RGMB: variants seen among roughly 807,000 people sequenced by gnomAD.
RGMB encodes repulsive guidance molecule BMP co-receptor b, also known as repulsive guidance molecule B.
A neutral mutation model predicts 26.9 loss-of-function variants in RGMB; 16 were observed. The ratio of observed to expected loss-of-function variants is 0.60; its 90% CI spans 0.40 to 0.90. The LOEUF (loss-of-function observed/expected upper bound fraction) is 0.90. Among genes scored for constraint, RGMB ranks in the 40% least tolerant of loss-of-function variants. The pLI, the probability that RGMB is intolerant of heterozygous loss-of-function variation, is 0.00. For missense variants in RGMB, 512 were observed against 573.3 expected, an observed-to-expected ratio of 0.89 and a Z score of 1.09; for synonymous variants, 225 against 229.3, an observed-to-expected ratio of 0.98 and a Z score of 0.17.
Position 98,793,663 on chromosome 5 carries a change from C to T in RGMB, c.1224C>T (p.Phe408=), listed in dbSNP as rs1196396759. The part of the protein sequence containing the change: ...LHPRKERWHI[F]PSSGNGTPRG... ...CAAGGAAGGAACGCTGGCACATTTT[C>T]CCCAGCAGTGGCAATGGGACTCCCC... The change falls in exon 3 of 3, where the codon TTC becomes TTT. Residue 408 remains phenylalanine (F), a synonymous_variant. Transcript: ENST00000513185. The T allele has an allele frequency of 1.9e-6, 3 of 1,613,744 alleles. No individual in the cohort carries two copies. Among genetic ancestry groups the T allele is most frequent in the African/African-American group, 1.3e-5 (1 of 74,940 alleles).
At chr5:98,774,996 C>T (rs1418192391) in intron 1 of RGMB, among the ~76,000 whole-genome samples, 1 of 152,090 alleles carries the variant, frequency 6.6e-6, no homozygotes, top group African/African-American at 2.4e-5. Context: ...AAATCCAGGA[C>T]GCTCTTCACA....
Position 98,794,829 on chromosome 5 carries a change from T to G in RGMB, c.*1076T>G, listed in dbSNP as rs747152145. 6.6e-6 allele frequency: 1 copy of G among 152,226 alleles called. No homozygotes were observed. Among genetic ancestry groups the G allele is most frequent in the Non-Finnish European group, 1.5e-5 (1 of 68,064 alleles). The allele number at this position is 152,226 out of a possible 1,614,324, so 9.4% of individuals were successfully genotyped here. Reference sequence around the variant, plus strand: ...CCATCACAAAGTTTTTCATTCTTCCTTGTCCACCATGATCTTCATCACAGT... The same window carrying G: ...CCATCACAAAGTTTTTCATTCTTCCGTGTCCACCATGATCTTCATCACAGT... On this transcript the variant is annotated 3_prime_UTR_variant, in exon 3 of 3. Coordinates refer to ENST00000513185, the MANE Select transcript of RGMB (RefSeq NM_001366508.1).
rs867415008 is a variant in RGMB at position 98,793,189 on chromosome 5, TG to T, written c.754del (p.Asp252ThrfsTer25). 6.2e-7 allele frequency: 1 copy of T among 1,613,832 alleles called. No homozygotes were observed. Among genetic ancestry groups the T allele is most frequent in the Non-Finnish European group, 8.5e-7 (1 of 1,179,866 alleles). On this transcript the variant is annotated frameshift_variant, in exon 3 of 3. Coordinates refer to ENST00000513185, the MANE Select transcript of RGMB (RefSeq NM_001366508.1). LOFTEE classifies it high-confidence loss of function. The part of the protein sequence containing the change: ...AAFVDGTTSG[G>X]DSDAKSLRIV... The stretch of plus-strand genomic sequence containing the variant: ...CCTTTGTGGATGGCACCACCAGTGG[TG>T]GGGACAGCGATGCCAAGAGCCTGCG...
At chr5:98,782,681 C>T (rs1746645954) in intron 2 of RGMB, among the ~76,000 whole-genome samples, 1 of 152,112 alleles carries the variant, frequency 6.6e-6, no homozygotes, top group Non-Finnish European at 1.5e-5. Context: ...CTGAAATTTT[C>T]GGAAACATCC....
At chr5:98,774,238 C>G in intron 1 of RGMB, 32 bp downstream of exon 1, 1 of 1,384,092 alleles carries the variant, frequency 7.2e-7, no homozygotes, top group South Asian at 1.6e-5. Context: ...GGAGCCAGCC[C>G]CGGGGCCTAG....
chr5:98,771,936 T>A (rs1470965977), upstream of RGMB, among the ~76,000 whole-genome samples: 1 of 99,658 alleles, frequency 1.0e-5, no homozygotes, highest in East Asian at 3.8e-4. Flanking sequence ...AATCTTGGGT[T>A]AAGAGAAAAA....
rs1214126810 is a variant in RGMB at position 98,783,040 on chromosome 5, T to TC, written c.645+2956dup. ...CATCTCCCCTGGTCTACTGTTTTCTTCCCCACCATGGCCCTCTCCTCCCCT... is the reference window on the plus strand; with the variant it reads ...CATCTCCCCTGGTCTACTGTTTTCTTCCCCCACCATGGCCCTCTCCTCCCCT... On this transcript the variant is annotated intron_variant, in intron 2 of 2. Coordinates refer to ENST00000513185, the MANE Select transcript of RGMB (RefSeq NM_001366508.1). Among the ~76,000 whole-genome samples the TC allele has an allele frequency of 1.2e-4, 19 of 152,340 alleles. No individual in the cohort carries two copies. In the East Asian group the frequency reaches 3.3e-3, roughly 26 times the overall value.
At chr5:98,771,334 G>A (rs1746155735), upstream of RGMB, 2 of 152,138 alleles carry the variant, frequency 1.3e-5, no homozygotes, top group Admixed American at 1.3e-4. Flanking sequence ...TTGTGTTCTA[G>A]CTCCCTCCCC....
chr5:98,777,366 G>C (rs557183349), intron 1 of RGMB, among the ~76,000 whole-genome samples: 13 of 152,238 alleles, frequency 8.5e-5, no homozygotes, highest in Admixed American at 6.5e-4. Flanking sequence ...TCATTACTGA[G>C]ACCTTGGCCC....
chr5:98,791,979 G>T (rs1425071749), intron 2 of RGMB, among the ~76,000 whole-genome samples: 3 of 152,180 alleles, frequency 2.0e-5, no homozygotes, highest in African/African-American at 7.2e-5. Flanking sequence ...TCGAGAGTTG[G>T]CTGGGAAAAG....
chr5:98,774,461 C>A (rs553670935), intron 1 of RGMB, among the ~76,000 whole-genome samples: 40 of 152,342 alleles, frequency 2.6e-4, no homozygotes, highest in African/African-American at 9.4e-4. Context: ...TGACAAATCT[C>A]CCCTCCGACA....
intron 2 of RGMB, among the ~76,000 whole-genome samples, chr5:98,787,442 C>A (rs533869283): frequency 2.6e-5 from 4 of 152,340 alleles, no homozygotes; most frequent in African/African-American, 9.6e-5. Flanking sequence ...AAGGGAAGAC[C>A]TGCTAGGACA....
chr5:98,789,668 G>A (rs76887708), intron 2 of RGMB, among the ~76,000 whole-genome samples: 9,865 of 152,172 alleles, frequency 0.065, 441 homozygotes, highest in Non-Finnish European at 0.095. Context: ...TGAATGAAGA[G>A]AACTGAAGTA....
chr5:98,770,799 C>G (rs1419907698), upstream of RGMB: 4 of 558,476 alleles, frequency 7.2e-6, no homozygotes, highest in African/African-American at 7.9e-5. Context: ...CACTCTTGCT[C>G]TGAAAAAAAA....
At chr5:98,789,984 G>A (rs573848838) in intron 2 of RGMB, among the ~76,000 whole-genome samples, 2 of 152,270 alleles carry the variant, frequency 1.3e-5, no homozygotes, top group African/African-American at 2.4e-5. Flanking sequence ...CAATTAAATT[G>A]TGCTTGTTTC....
chr5:98,780,497 G>T, intron 2 of RGMB: 1 of 158,726 alleles, frequency 6.3e-6, no homozygotes, highest in Non-Finnish European at 1.4e-5. Flanking sequence ...GAGGCCTGAG[G>T]CAGTGACGTA....
chr5:98,788,560 T>C (rs1746830557), intron 2 of RGMB, among the ~76,000 whole-genome samples: 2 of 152,112 alleles, frequency 1.3e-5, no homozygotes, highest in East Asian at 1.9e-4. Flanking sequence ...ATACCTCTTT[T>C]CCCCCCTCGA....
In RGMB at chr5:98,795,811, G is replaced by A. The variant is rs749172088; in HGVS notation, c.*2058G>A. ...ATTTTTGTGCAAATAATATGAAAGT[G>A]AAGTAAAAGCAATAGAAGAAATTTC... On this transcript the variant is annotated 3_prime_UTR_variant, in exon 3 of 3. Coordinates refer to ENST00000513185, the MANE Select transcript of RGMB (RefSeq NM_001366508.1). The A allele has an allele frequency of 3.9e-5, 6 of 152,296 alleles. No individual in the cohort carries two copies. Among genetic ancestry groups the A allele is most frequent in the African/African-American group, 1.2e-4 (5 of 41,562 alleles). 9.4% of individuals were successfully genotyped at this position (152,296 alleles called of 1,614,324 possible).
chr5:98,781,799 A>G lies in RGMB; in HGVS notation c.645+1711A>G, dbSNP rs80227183. Among the ~76,000 whole-genome samples the G allele has an allele frequency of 2.6e-3, 403 of 152,286 alleles. 1 individual carries two copies. The highest frequency in any genetic ancestry group is 9.2e-3 in the African/African-American group (383 of 41,552). On this transcript the variant is annotated intron_variant, in intron 2 of 2. Transcript: ENST00000513185. ...CTGTTATTCAGTCTTTCAGAATTCTATTGTTACTGATTATGGTGAAAATAT... is the reference window on the plus strand; with the variant it reads ...CTGTTATTCAGTCTTTCAGAATTCTGTTGTTACTGATTATGGTGAAAATAT...
Sources: gnomAD v4.1 joint callset for allele counts (sites outside exome capture counted in the v4.1 genomes callset) on GRCh38, gnomAD v4.1.1 for gene constraint, MANE v1.5 for transcripts, NCBI Gene and HGNC (gene_info 2026-07-23, HGNC 2026-07-21) for gene names.